The following KIDINS220 variants were observed in gnomAD, a reference collection of about 807,000 sequenced individuals.
KIDINS220 encodes kinase D interacting substrate 220.
Under a neutral mutation model 157.6 loss-of-function variants are expected in KIDINS220, and 63 were observed. That is an observed-to-expected ratio of 0.40 (90% CI 0.33 to 0.49). The LOEUF (loss-of-function observed/expected upper bound fraction) is 0.49, where lower values mean the gene tolerates loss of function less well. KIDINS220 is among the 20% of genes least tolerant of loss of function. KIDINS220 has a pLI of 0.66. For synonymous variants in KIDINS220, 732 were observed against 783.6 expected, an observed-to-expected ratio of 0.93 and a Z score of 1.10; for missense variants, 1,772 against 2,171.2, an observed-to-expected ratio of 0.82 and a Z score of 3.65.
At chr2:8,785,075 A>G (rs1672212814) in intron 17 of KIDINS220, among the ~76,000 whole-genome samples, 1 of 152,250 alleles carries the variant, frequency 6.6e-6, no homozygotes, top group African/African-American at 2.4e-5. Flanking sequence ...GCCATGCTAA[A>G]AAGAAATGAG....
Position 8,731,522 on chromosome 2 carries a change from G to A in KIDINS220, c.4514C>T (p.Thr1505Ile). Reference protein sequence around the residue: ...KSSERSSLFQTDLKLKGSGLR... With the variant: ...KSSERSSLFQIDLKLKGSGLR... ...CCCACTTCCCTTAAGCTTCAAATCT[G>A]TCTGGAAGAGGCTTGACCTTTCGGA... is the stretch of plus-strand genomic sequence containing the variant. Residue 1505 changes from threonine to isoleucine, a missense_variant, in exon 30 of 30, where the codon ACA (threonine) becomes ATA (isoleucine). This residue lies in a region of KIDINS220 where 793 missense variants were observed against 885.5 expected (regional missense o/e 0.90). Transcript: ENST00000256707. This position sits in a 1 kb window ranked among gnomAD's most constrained non-coding sequence, Gnocchi z 5.2. The A allele has an allele frequency of 6.2e-7, 1 of 1,614,190 alleles. No individual in the cohort carries two copies. The highest frequency in any genetic ancestry group is 8.5e-7 in the Non-Finnish European group (1 of 1,180,038).
At chr2:8,749,915 C>T (rs1039569639) in intron 24 of KIDINS220, among the ~76,000 whole-genome samples, 197 bp downstream of exon 24, 3 of 152,160 alleles carry the variant, frequency 2.0e-5, no homozygotes, top group African/African-American at 7.2e-5. Flanking sequence ...TATTCAGACT[C>T]TCTTGAGACC....
intron 2 of KIDINS220, 90 bp from the exon 3 acceptor site, chr2:8,818,883 T>C: frequency 1.6e-6 from 1 of 638,268 alleles, no homozygotes; most frequent in Non-Finnish European, 2.7e-6. Context: ...TTTTCATGAA[T>C]GTATGTTAAG....
chr2:8,755,125 T>G (rs1214035952), intron 22 of KIDINS220, among the ~76,000 whole-genome samples: 2 of 151,936 alleles, frequency 1.3e-5, no homozygotes, highest in African/African-American at 4.8e-5. Flanking sequence ...AAAGAAAAAA[T>G]GGAGTCCATT....
chr2:8,789,489 C>T (rs1487918286), intron 14 of KIDINS220, among the ~76,000 whole-genome samples: 1 of 151,990 alleles, frequency 6.6e-6, no homozygotes, highest in Non-Finnish European at 1.5e-5. Flanking sequence ...GGGGTTTCAC[C>T]ATGTCAGCCA....
chr2:8,754,841 A>G (rs957389719), intron 22 of KIDINS220, among the ~76,000 whole-genome samples: 5 of 152,238 alleles, frequency 3.3e-5, no homozygotes, highest in Non-Finnish European at 7.3e-5. Context: ...TTTTATCTAA[A>G]AGTAGCTGCC....
chr2:8,791,330 A>G, intron 12 of KIDINS220, 106 bp from the exon 13 acceptor site: 1 of 992,986 alleles, frequency 1.0e-6, no homozygotes, highest in South Asian at 1.7e-5. Context: ...ATTATTTCAA[A>G]TGTTTATACC....
chr2:8,816,517 C>T (rs1572780521), intron 4 of KIDINS220, among the ~76,000 whole-genome samples: 1 of 152,182 alleles, frequency 6.6e-6, no homozygotes, highest in Admixed American at 6.5e-5. Flanking sequence ...GGTATGGTAC[C>T]TATTGGTATG....
rs771469722 is a variant in KIDINS220 at position 8,776,792 on chromosome 2, C to T, written c.2804G>A (p.Ser935Asn). The T allele has an allele frequency of 3.0e-5, 48 of 1,613,898 alleles. No individual in the cohort carries two copies. Among genetic ancestry groups the T allele is most frequent in the Non-Finnish European group, 4.0e-5 (47 of 1,179,958 alleles). Reference protein sequence around the residue: ...LVTEDWFSDISPQTMRRLLNI... With the variant: ...LVTEDWFSDINPQTMRRLLNI... The stretch of plus-strand genomic sequence containing the variant: ...AAGTAATCTTCTCATGGTCTGGGGA[C>T]TGATGTCACTGAACCAGTCCTCGGT... The change falls in exon 21 of 30, where the codon AGT becomes AAT. Residue 935 changes from serine (S) to asparagine (N), a missense_variant. Ser to Asn is a conservative substitution (Grantham distance 46). Coordinates refer to ENST00000256707, the MANE Select transcript of KIDINS220 (RefSeq NM_020738.4).
chr2:8,727,266 G>A (rs550948974), downstream of KIDINS220: 13 of 1,067,122 alleles, frequency 1.2e-5, no homozygotes, highest in Admixed American at 2.2e-4. Context: ...GTCGGCGTGC[G>A]CCTGGAAGAG....
In KIDINS220 at chr2:8,800,329, A is replaced by C. The variant is rs956231193; in HGVS notation, c.900+71T>G. The C allele has an allele frequency of 6.8e-5, 62 of 917,706 alleles. No individual in the cohort carries two copies. The Middle Eastern group carries it at 8.9e-4, about 13-fold the overall frequency. 56.8% of individuals were successfully genotyped at this position (917,706 alleles called of 1,614,324 possible). A position where few individuals can be genotyped will look rare whatever the true frequency, so the allele number is the denominator to read the frequency against. ...ATCTCCATAGGAAAGTGGGAAGAAT[A>C]ACATTATGATCAGTCAACACTTACA... On this transcript the variant is annotated intron_variant, in intron 9 of 29. Coordinates refer to ENST00000256707, the MANE Select transcript of KIDINS220 (RefSeq NM_020738.4).
intron 22 of KIDINS220, 60 bp downstream of exon 22, chr2:8,770,610 T>G (rs13423126): frequency 0.017 from 17,136 of 988,056 alleles, 120 homozygotes; most frequent in East Asian, 0.044. Context: ...ATACGCGTTT[T>G]TTTTTTTTTT....
chr2:8,762,906 C>A (rs1376419211), intron 22 of KIDINS220, among the ~76,000 whole-genome samples: 1 of 152,124 alleles, frequency 6.6e-6, no homozygotes, highest in Non-Finnish European at 1.5e-5. Flanking sequence ...GCTTTCCACA[C>A]AAAACCTAGC....
At chr2:8,753,602 C>T (rs1667639710) in intron 22 of KIDINS220, among the ~76,000 whole-genome samples, 1 of 152,154 alleles carries the variant, frequency 6.6e-6, no homozygotes, top group Admixed American at 6.6e-5. Context: ...TATATCCTTC[C>T]AATTAAACAA....
rs1019530271 is a variant in KIDINS220 at position 8,826,334 on chromosome 2, C to T, written c.108+652G>A. ...ATTAAAGAAAGTATTTCAGGCAGGG[C>T]GGGGTGGCTCACGATTGTAATCCCA... is the stretch of plus-strand genomic sequence containing the variant. On this transcript the variant is annotated intron_variant, in intron 2 of 29. Coordinates refer to ENST00000256707, the MANE Select transcript of KIDINS220 (RefSeq NM_020738.4). 2.0e-5 allele frequency among the ~76,000 whole-genome samples: 3 copies of T among 152,026 alleles called. No homozygotes were observed. The East Asian group carries it at 5.8e-4, about 29-fold the overall frequency.
chr2:8,776,806 C>G lies in KIDINS220; in HGVS notation c.2790G>C (p.Trp930Cys), dbSNP rs746257424. 12 of 1,613,718 alleles carry G rather than the reference C, an allele frequency of 7.4e-6. No homozygotes were observed. The highest frequency in any genetic ancestry group is 1.6e-4 in the Middle Eastern group (1 of 6,080). ...TGGTCTGGGGACTGATGTCACTGAA[C>G]CAGTCCTCGGTAACCAGCAGTTTTG... is the stretch of plus-strand genomic sequence containing the variant. ...DLTKLLVTEDWFSDISPQTMR... is the reference protein window; with the variant it reads ...DLTKLLVTEDCFSDISPQTMR... The change falls in exon 21 of 30, where the codon TGG (tryptophan) becomes TGC (cysteine). Residue 930 changes from tryptophan to cysteine, a missense_variant. Coordinates refer to ENST00000256707, the MANE Select transcript of KIDINS220 (RefSeq NM_020738.4).
At chr2:8,744,797 TTTCTAGGCTTCGA>T (rs1666313928) in intron 26 of KIDINS220, among the ~76,000 whole-genome samples, 1 of 152,136 alleles carries the variant, frequency 6.6e-6, no homozygotes, top group Non-Finnish European at 1.5e-5. Context: ...CTACTTAGTT[TTTCTAGGCTTCGA>T]CAAAACAAAT....
intron 22 of KIDINS220, among the ~76,000 whole-genome samples, chr2:8,763,783 C>T (rs1487572128): frequency 6.6e-6 from 1 of 152,148 alleles, no homozygotes; most frequent in Admixed American, 6.5e-5. Context: ...CAATCCAAAG[C>T]AACTCCACCA....
At chr2:8,825,657 T>C (rs1376272559) in intron 2 of KIDINS220, 1 of 152,130 alleles carries the variant, frequency 6.6e-6, no homozygotes, top group Non-Finnish European at 1.5e-5. Context: ...GCAAGAAATA[T>C]TATACTCTTG....
Sources: allele counts gnomAD v4.1 joint callset (sites outside exome capture counted in the v4.1 genomes callset), GRCh38; gene constraint gnomAD v4.1.1; regional missense constraint gnomAD v4.1.1; non-coding constraint Gnocchi (gnomAD v3.1); transcripts MANE v1.5; gene names NCBI Gene and HGNC (gene_info 2026-07-23, HGNC 2026-07-21).